NDRG3: variants seen among roughly 807,000 people sequenced by gnomAD.
NDRG3 encodes the protein protein NDRG3.
A neutral mutation model predicts 57.2 loss-of-function variants in NDRG3; 23 were observed. That is an observed-to-expected ratio of 0.40 (90% CI 0.29 to 0.57). The LOEUF is 0.57. NDRG3 is among the 20% of genes least tolerant of loss of function. NDRG3 has a pLI of 0.42. For synonymous variants in NDRG3, 132 were observed against 162.6 expected (o/e 0.81, Z 1.43); for missense variants, 384 against 457.3 (o/e 0.84, Z 1.46).
At chr20:36,700,065 G>A (rs977853017) in intron 3 of NDRG3, among the ~76,000 whole-genome samples, 1 of 136,478 alleles carries the variant, frequency 7.3e-6, no homozygotes, top group Non-Finnish European at 1.5e-5. Flanking sequence ...AGTGAGCCAA[G>A]ATCACACCGC....
intron 1 of NDRG3, among the ~76,000 whole-genome samples, chr20:36,733,299 T>C (rs1568673111): frequency 6.6e-6 from 1 of 151,276 alleles, no homozygotes; most frequent in East Asian, 1.9e-4. Context: ...TTTTACAGCT[T>C]TTTCCCATGA....
chr20:36,706,997 C>T lies in NDRG3; in HGVS notation c.68G>A (p.Arg23Lys). 2 of 1,613,656 alleles carry T rather than the reference C, an allele frequency of 1.2e-6. No homozygotes were observed. Among genetic ancestry groups the T allele is most frequent in the Non-Finnish European group, 1.7e-6 (2 of 1,179,644 alleles). The change falls in exon 3 of 16, where the codon AGA (arginine) becomes AAA (lysine). Residue 23 changes from arginine to lysine, a missense_variant. Physicochemically the swap from Arg to Lys is conservative, Grantham distance 26. Coordinates refer to ENST00000349004, the MANE Select transcript of NDRG3 (RefSeq NM_032013.4). ...CTGACAGTCAAAGTCCTGGAAGTTT[C>T]TTGTACCATTCTGTCAACAGAAGAC... ...KPLLNDKNGT[R>K]NFQDFDCQEH...
chr20:36,739,133 T>TTAAA (rs1568676736), intron 1 of NDRG3, among the ~76,000 whole-genome samples: 803 of 31,512 alleles, frequency 0.025, 333 homozygotes, highest in Middle Eastern at 0.17. Context: ...AGACCCCATC[T>TTAAA]CAAAAAAAAA....
chr20:36,683,296 C>A (rs1981479899), intron 6 of NDRG3, among the ~76,000 whole-genome samples: 1 of 151,810 alleles, frequency 6.6e-6, no homozygotes, highest in Admixed American at 6.6e-5. Context: ...CAACTACTTT[C>A]AAGTTGGTTT....
Position 36,746,047 on chromosome 20 carries a change from G to C in NDRG3, c.-51C>G. 1 of 343,504 alleles carries C rather than the reference G, an allele frequency of 2.9e-6. No individual in the cohort carries two copies. Among genetic ancestry groups the C allele is most frequent in the Non-Finnish European group, 5.1e-6 (1 of 195,004 alleles). 21.3% of individuals were successfully genotyped at this position (343,504 alleles called of 1,614,324 possible). On this transcript the variant is annotated splice_region_variant and 5_prime_UTR_variant, in exon 1 of 16. Transcript: ENST00000349004. ...GCCGGGCGGAGGCGCTCACTCACCT[G>C]AGGCGCGGGCACCCGCCGTCAGTGC... is the stretch of plus-strand genomic sequence containing the variant.
At chr20:36,654,806 TC>T in intron 15 of NDRG3, 1 of 779,734 alleles carries the variant, frequency 1.3e-6, no homozygotes, top group South Asian at 1.3e-5. Context: ...GGTACCTGAC[TC>T]GGTGCTCAGG....
At chr20:36,680,180 G>A (rs1206069391) in intron 8 of NDRG3, among the ~76,000 whole-genome samples, 1 of 150,938 alleles carries the variant, frequency 6.6e-6, no homozygotes, top group Non-Finnish European at 1.5e-5. Flanking sequence ...CACAGACACC[G>A]TGATGAAAGA....
At chr20:36,732,688 C>T (rs930036409) in intron 1 of NDRG3, among the ~76,000 whole-genome samples, 5 of 152,080 alleles carry the variant, frequency 3.3e-5, no homozygotes, top group Non-Finnish European at 5.9e-5. Flanking sequence ...AGCATTTCCC[C>T]AGGTATTAGC....
Position 36,676,459 on chromosome 20 carries a change from TTTTTG to T in NDRG3, c.531+4352_531+4356del, listed in dbSNP as rs569382484. Among the ~76,000 whole-genome samples, 85 of 152,214 alleles carry T rather than the reference TTTTTG, an allele frequency of 5.6e-4. 1 individual carries two copies. In the East Asian group the frequency reaches 8.7e-3, roughly 16 times the overall value. ...CTAAAAAGTGTTTTTGTTTGTTTGT[TTTTTG>T]TTTTGTTTTGTTTTTTTGAGACGGA... On this transcript the variant is annotated intron_variant, in intron 8 of 15. Coordinates refer to ENST00000349004, the MANE Select transcript of NDRG3 (RefSeq NM_032013.4).
chr20:36,722,933 A>G (rs748950657), intron 1 of NDRG3, among the ~76,000 whole-genome samples: 2 of 152,246 alleles, frequency 1.3e-5, no homozygotes, highest in Non-Finnish European at 2.9e-5. Flanking sequence ...AGGGGAAGCT[A>G]GCTGCCAAAT....
intron 2 of NDRG3, among the ~76,000 whole-genome samples, chr20:36,717,142 G>C (rs982376553): frequency 1.6e-4 from 24 of 152,066 alleles, no homozygotes; most frequent in African/African-American, 5.3e-4. Flanking sequence ...TTCATCACTA[G>C]AGCCAAAACA....
At chr20:36,666,217 T>G (rs1979619758) in intron 10 of NDRG3, 72 bp downstream of exon 10, 12 of 1,146,958 alleles carry the variant, frequency 1.0e-5, no homozygotes, top group Middle Eastern at 2.0e-4. Flanking sequence ...GATACAGTCC[T>G]CTCTCCTTCT....
At chr20:36,741,280 T>C (rs1985917201) in intron 1 of NDRG3, among the ~76,000 whole-genome samples, 1 of 152,192 alleles carries the variant, frequency 6.6e-6, no homozygotes, top group African/African-American at 2.4e-5. Flanking sequence ...GCTTACGTGA[T>C]ACCAAGTAAA....
intron 3 of NDRG3, among the ~76,000 whole-genome samples, chr20:36,705,321 C>CCAA (rs1983484792): frequency 1.4e-5 from 1 of 72,204 alleles, no homozygotes; most frequent in African/African-American, 4.4e-5. Context: ...GACTCTGTCT[C>CCAA]AAAAAAAAAA....
At chr20:36,724,792 G>A (rs529597484) in intron 1 of NDRG3, among the ~76,000 whole-genome samples, 1 of 152,042 alleles carries the variant, frequency 6.6e-6, no homozygotes, top group South Asian at 2.1e-4. Flanking sequence ...GCTGGGTGTG[G>A]TGGCACACGC....
chr20:36,708,194 T>C lies in NDRG3; in HGVS notation c.58-1187A>G, dbSNP rs572000716. On this transcript the variant is annotated intron_variant, in intron 2 of 15. Transcript: ENST00000349004. ...CCTTCCTGAAAAAAGTCTCCCATTA[T>C]GTAGAAACTGATTTATCACAACTAT... 6.6e-5 allele frequency among the ~76,000 whole-genome samples: 10 copies of C among 152,318 alleles called. No homozygotes were observed. The South Asian group carries it at 2.1e-3, about 32-fold the overall frequency.
chr20:36,711,918 T>C, intron 2 of NDRG3, among the ~76,000 whole-genome samples: 1 of 152,062 alleles, frequency 6.6e-6, no homozygotes, highest in East Asian at 1.9e-4. Context: ...CAGCTGGGAC[T>C]ATAGGCACCC....
At chr20:36,703,354 C>CAT (rs775402304) in intron 3 of NDRG3, among the ~76,000 whole-genome samples, 52 of 151,540 alleles carry the variant, frequency 3.4e-4, no homozygotes, top group Non-Finnish European at 6.3e-4. Context: ...CCCACACACA[C>CAT]ATATATATAT....
chr20:36,662,228 T>C (rs1376010753), intron 12 of NDRG3, among the ~76,000 whole-genome samples: 1 of 151,488 alleles, frequency 6.6e-6, no homozygotes, highest in African/African-American at 2.4e-5. Context: ...TTTTTTCTTT[T>C]TCTTTTTTTT....
Sources: gnomAD v4.1 joint callset for allele counts (sites outside exome capture counted in the v4.1 genomes callset) on GRCh38, gnomAD v4.1.1 for gene constraint, MANE v1.5 for transcripts, NCBI Gene and HGNC (gene_info 2026-07-23, HGNC 2026-07-21) for gene names.